The following SNED1 variants were observed in gnomAD, a reference collection of about 807,000 sequenced individuals.
The protein encoded by SNED1 is sushi, nidogen and EGF-like domain-containing protein 1.
SNED1 carries 81 observed loss-of-function variants against 166.7 expected under a neutral mutation model. That is an observed-to-expected ratio of 0.49 (90% CI 0.41 to 0.58). The LOEUF is 0.58. Among genes scored for constraint, SNED1 ranks in the 20% least tolerant of loss-of-function variants. The probability of loss-of-function intolerance (pLI) is 0.00; values close to 1 mark genes in which losing one functional copy is unlikely to be tolerated. For missense variants in SNED1, 1,604 were observed against 2,000.2 expected, an observed-to-expected ratio of 0.80 and a Z score of 3.78; for synonymous variants, 762 against 822.0, an observed-to-expected ratio of 0.93 and a Z score of 1.25.
chr2:241,012,702 C>T (rs1010158761), intron 1 of SNED1, among the ~76,000 whole-genome samples: 2 of 152,148 alleles, frequency 1.3e-5, no homozygotes, highest in Non-Finnish European at 2.9e-5. Context: ...CGACCAGAAT[C>T]GCATGAATCT....
intron 1 of SNED1, among the ~76,000 whole-genome samples, chr2:241,005,441 T>G (rs1195736546): frequency 6.6e-6 from 1 of 152,006 alleles, no homozygotes; most frequent in African/African-American, 2.4e-5. Context: ...TGGCCTCAAG[T>G]GACCTGCCTG....
intron 2 of SNED1, among the ~76,000 whole-genome samples, chr2:241,032,364 A>T: frequency 6.7e-6 from 1 of 148,984 alleles, no homozygotes; most frequent in Middle Eastern, 3.3e-3. Context: ...AAAAAAAAAA[A>T]ATCTACACGT....
intron 31 of SNED1, chr2:241,089,963 G>A (rs2063810555): frequency 6.5e-7 from 1 of 1,545,360 alleles, no homozygotes; most frequent in Non-Finnish European, 8.7e-7. Flanking sequence ...AGATATAAAA[G>A]ATAAAAAATG....
chr2:241,019,588 G>A (rs967461831), intron 1 of SNED1, among the ~76,000 whole-genome samples: 6 of 152,166 alleles, frequency 3.9e-5, no homozygotes, highest in East Asian at 1.9e-4. Context: ...ACTCATGCAC[G>A]CCAGCTCACA....
At position 241,067,945 on chromosome 2, in the gene SNED1, T is replaced by G; in HGVS notation, c.3192T>G (p.Phe1064Leu). The G allele has an allele frequency of 6.2e-7, 1 of 1,605,870 alleles. No homozygotes were observed. Reference sequence around the variant, plus strand: ...ACAGGAGTGTGGACAGGTTCACCTTTAGGTAAGAAGGGACACCCAGAGCAT... The same window carrying G: ...ACAGGAGTGTGGACAGGTTCACCTTGAGGTAAGAAGGGACACCCAGAGCAT... ...DVDRSVDRFTFRALLPGKRYT... is the reference protein window; with the variant it reads ...DVDRSVDRFTLRALLPGKRYT... The change falls in exon 22 of 32, where the codon TTT (phenylalanine) becomes TTG (leucine). Residue 1064 changes from phenylalanine (F) to leucine (L), a missense_variant and splice_region_variant. This residue lies in a region of SNED1 where 1,237 missense variants were observed against 1,620.8 expected (regional missense o/e 0.76). Transcript: ENST00000310397.
chr2:241,053,410 G>A (rs561785288), intron 16 of SNED1, 84 bp downstream of exon 16: 3 of 1,394,952 alleles, frequency 2.2e-6, no homozygotes, highest in South Asian at 2.7e-5. Flanking sequence ...AGGGGCTGCA[G>A]GCCCAAGCCT....
chr2:241,033,856 T>G lies in SNED1; in HGVS notation c.623T>G (p.Leu208Arg), dbSNP rs1367615153. Residue 208 changes from leucine to arginine, a missense_variant, in exon 3 of 32, where the codon CTC (leucine) becomes CGC (arginine). By Grantham distance (102) the Leu-to-Arg change is moderately radical (BLOSUM62 -2). Around this residue, in one of 2 missense-constraint regions of SNED1, gnomAD observed 1,237 missense variants for 1,620.8 expected, o/e 0.76. Coordinates refer to ENST00000310397, the MANE Select transcript of SNED1 (RefSeq NM_001080437.3). Reference sequence around the variant, plus strand: ...AGCAGCGGGGGCAACGCCACTGGCCTCGGGGGCATCGCAGCCCAGGTAGGC... The same window carrying G: ...AGCAGCGGGGGCAACGCCACTGGCCGCGGGGGCATCGCAGCCCAGGTAGGC... ...HASSGGNATG[L>R]GGIAAQAGFN... 6 of 1,604,994 alleles carry G rather than the reference T, an allele frequency of 3.7e-6. No individual in the cohort carries two copies. The Admixed American group carries it at 1.0e-4, about 27-fold the overall frequency.
intron 9 of SNED1, 21 bp downstream of exon 9, chr2:241,048,461 C>G: frequency 6.3e-7 from 1 of 1,580,898 alleles, no homozygotes. Flanking sequence ...GCTGCAAGGG[C>G]TGCCGTTTTA....
chr2:241,000,033 C>T (rs1361602032), intron 1 of SNED1, among the ~76,000 whole-genome samples: 1 of 152,146 alleles, frequency 6.6e-6, no homozygotes, highest in Non-Finnish European at 1.5e-5. Context: ...TCGCCTCTGC[C>T]ATCTGTGCTG....
intron 1 of SNED1, among the ~76,000 whole-genome samples, chr2:241,006,239 G>C (rs1276978514): frequency 6.6e-6 from 1 of 151,780 alleles, no homozygotes; most frequent in Non-Finnish European, 1.5e-5. Flanking sequence ...GTTGTATTTG[G>C]ATCTTTTCTG....
chr2:241,068,628 T>G lies in SNED1; in HGVS notation c.3195-283T>G, dbSNP rs987848017. Among the ~76,000 whole-genome samples the G allele has an allele frequency of 7.9e-5, 12 of 151,700 alleles. No individual in the cohort carries two copies. The highest frequency in any genetic ancestry group is 1.3e-4 in the Admixed American group (2 of 15,236). ...CCCTGCACAGTGACCACTTCCCCCT[T>G]CTCTGGCCTCTCCCAGCTGAACACC... On this transcript the variant is annotated intron_variant, in intron 22 of 31. Coordinates refer to ENST00000310397, the MANE Select transcript of SNED1 (RefSeq NM_001080437.3). This position sits in a 1 kb window ranked among gnomAD's most constrained non-coding sequence, Gnocchi z 5.3.
chr2:241,018,319 G>A lies in SNED1; in HGVS notation c.214-11965G>A, dbSNP rs1450923113. ...CACACATGCACTTACATGGGGGCAC[G>A]TTTGGGTGCAGATACCACCTGGATC... is the stretch of plus-strand genomic sequence containing the variant. On this transcript the variant is annotated intron_variant, in intron 1 of 31. Coordinates refer to ENST00000310397, the MANE Select transcript of SNED1 (RefSeq NM_001080437.3). The surrounding 1 kb of genome is among the most constrained non-coding windows in gnomAD (Gnocchi z 5.4). Among the ~76,000 whole-genome samples the A allele has an allele frequency of 2.0e-5, 3 of 152,220 alleles. No homozygotes were observed. Among genetic ancestry groups the A allele is most frequent in the Admixed American group, 1.3e-4 (2 of 15,284 alleles).
At position 241,094,646 on chromosome 2, in the gene SNED1, C is replaced by T; in HGVS notation, c.*3010C>T. ...AGTCACATTACTGTTGTGGACCAGG[C>T]CTTAGATGAGTTTCTCAGGCTCAGC... On this transcript the variant is annotated 3_prime_UTR_variant, in exon 32 of 32. Transcript: ENST00000310397. The surrounding 1 kb of genome is among the most constrained non-coding windows in gnomAD (Gnocchi z 4.3). 1 of 330,402 alleles carries T rather than the reference C, an allele frequency of 3.0e-6. No individual in the cohort carries two copies. Among genetic ancestry groups the T allele is most frequent in the Non-Finnish European group, 5.9e-6 (1 of 168,792 alleles). 20.5% of individuals were successfully genotyped at this position (330,402 alleles called of 1,614,324 possible).
chr2:241,030,667 G>A lies in SNED1; in HGVS notation c.501+96G>A, dbSNP rs950304712. Reference sequence around the variant, plus strand: ...TCCCTCTTGCTGATGTGGGTGTGGTGCAGTCACTGGTCCATACCCAAGAGG... The same window carrying A: ...TCCCTCTTGCTGATGTGGGTGTGGTACAGTCACTGGTCCATACCCAAGAGG... On this transcript the variant is annotated intron_variant, in intron 2 of 31. Coordinates refer to ENST00000310397, the MANE Select transcript of SNED1 (RefSeq NM_001080437.3). 20 of 1,282,860 alleles carry A rather than the reference G, an allele frequency of 1.6e-5. No individual in the cohort carries two copies. The African/African-American group carries it at 2.3e-4, about 15-fold the overall frequency. 79.5% of individuals were successfully genotyped at this position (1,282,860 alleles called of 1,614,324 possible).
rs545761179 is a variant in SNED1, at chr2:241,081,537, T to C, written c.3917-140T>C. The C allele has an allele frequency of 1.4e-5, 9 of 658,542 alleles. No individual in the cohort carries two copies. In the South Asian group the frequency reaches 1.6e-4, roughly 12 times the overall value. The allele number at this position is 658,542 out of a possible 1,614,324, so 40.8% of individuals were successfully genotyped here. ...ACCACGCTCTAGGGCCCAGAGGCGTTTGGGAGGCCACCGCAGCACACCACA... is the reference window on the plus strand; with the variant it reads ...ACCACGCTCTAGGGCCCAGAGGCGTCTGGGAGGCCACCGCAGCACACCACA... On this transcript the variant is annotated intron_variant, in intron 27 of 31. Coordinates refer to ENST00000310397, the MANE Select transcript of SNED1 (RefSeq NM_001080437.3).
Position 241,065,000 on chromosome 2 carries a change from T to TC in SNED1, c.2713+47dup, listed in dbSNP as rs2062380960. Reference sequence around the variant, plus strand: ...CTCCAGTGAGGGAGCCACGAGGGGGTCCCCTCTCCCTAGAGGGCCCAACGG... The same window carrying TC: ...CTCCAGTGAGGGAGCCACGAGGGGGTCCCCCTCTCCCTAGAGGGCCCAACGG... On this transcript the variant is annotated intron_variant, in intron 20 of 31. Transcript: ENST00000310397. This position sits in a 1 kb window ranked among gnomAD's most constrained non-coding sequence, Gnocchi z 7.0. 3 of 1,438,522 alleles carry TC rather than the reference T, an allele frequency of 2.1e-6. No individual in the cohort carries two copies. Among genetic ancestry groups the TC allele is most frequent in the South Asian group, 2.6e-5 (2 of 77,644 alleles). The allele number at this position is 1,438,522 out of a possible 1,614,324, so 89.1% of individuals were successfully genotyped here.
chr2:241,016,805 T>TTTCTA (rs2060606600), intron 1 of SNED1, among the ~76,000 whole-genome samples: 1 of 152,096 alleles, frequency 6.6e-6, no homozygotes, highest in Non-Finnish European at 1.5e-5. Context: ...AAAGTTGCAT[T>TTTCTA]TTCTATTTCC....
At chr2:241,054,061 A>G (rs1042763515) in intron 16 of SNED1, among the ~76,000 whole-genome samples, 34 of 152,302 alleles carry the variant, frequency 2.2e-4, no homozygotes, top group Non-Finnish European at 1.0e-4. Context: ...GCCAAGGCCA[A>G]CCTGCGTGGT....
intron 16 of SNED1, among the ~76,000 whole-genome samples, chr2:241,053,887 G>A (rs2061958457): frequency 6.6e-6 from 1 of 152,182 alleles, no homozygotes; most frequent in Non-Finnish European, 1.5e-5. Context: ...CAGGTGCATC[G>A]CATTATGCCA....
Sources: allele counts gnomAD v4.1 joint callset (sites outside exome capture counted in the v4.1 genomes callset), GRCh38; gene constraint gnomAD v4.1.1; regional missense constraint gnomAD v4.1.1; non-coding constraint Gnocchi (gnomAD v3.1); transcripts MANE v1.5; gene names NCBI Gene and HGNC (gene_info 2026-07-23, HGNC 2026-07-21).